UPRT: variants seen among roughly 807,000 people sequenced by gnomAD.
UPRT encodes the protein RP11-311P8.3.
UPRT carries 5 observed loss-of-function variants against 22.6 expected under a neutral mutation model. The observed-to-expected ratio is 0.22, with a 90% CI of 0.12 to 0.47. The LOEUF (loss-of-function observed/expected upper bound fraction) is 0.47. Ranked by LOEUF, UPRT falls within the 20% of genes least tolerant of loss-of-function variation. UPRT has a pLI of 0.99. For synonymous variants in UPRT, 77 were observed against 87.7 expected (o/e 0.88, Z 0.68); for missense variants, 181 against 239.9 (o/e 0.75, Z 1.62).
At chrX:75,270,073 C>T (rs1196202385), upstream of UPRT, among the ~76,000 whole-genome samples, 3 of 111,567 alleles carry the variant, frequency 2.7e-5, no homozygotes, top group Admixed American at 2.9e-4. Context: ...AAACAAACAG[C>T]CCCATCAAAA....
rs141155496 is a variant in UPRT at position 75,252,959 on chromosome X, A to G, written c.-446-38065A>G. Among the ~76,000 whole-genome samples, 928 of 111,226 alleles carry G rather than the reference A, an allele frequency of 8.3e-3. 11 individuals carry two copies. Among genetic ancestry groups the G allele is most frequent in the African/African-American group, 0.028 (852 of 30,602 alleles). On this transcript the variant is annotated intron_variant, in intron 4 of 13. Transcript: ENST00000652605. ...TCACAAGGACAAAAAACGAAACACCACATGTTGTCACTCATAGGTGAGAAT... is the reference window on the plus strand; with the variant it reads ...TCACAAGGACAAAAAACGAAACACCGCATGTTGTCACTCATAGGTGAGAAT...
intron 4 of UPRT, among the ~76,000 whole-genome samples, chrX:75,248,782 T>A (rs1017650073): frequency 4.5e-5 from 5 of 111,146 alleles, no homozygotes; most frequent in Admixed American, 3.8e-4. Flanking sequence ...TTGAAATGAA[T>A]GAAAAAATGT....
chrX:75,167,677 G>A (rs1213408536), intron 3 of UPRT, among the ~76,000 whole-genome samples: 7 of 111,069 alleles, frequency 6.3e-5, no homozygotes, highest in Non-Finnish European at 1.1e-4. Flanking sequence ...TGTTGGCCAC[G>A]TGTATATTTT....
intron 1 of UPRT, among the ~76,000 whole-genome samples, chrX:75,284,946 T>C (rs1049695500): frequency 1.8e-5 from 2 of 110,728 alleles, no homozygotes; most frequent in Non-Finnish European, 3.8e-5. Context: ...GTGTCTGAGC[T>C]CAGGCTGTCC....
At chrX:75,233,916 A>C (rs2082449487) in intron 4 of UPRT, among the ~76,000 whole-genome samples, 1 of 110,904 alleles carries the variant, frequency 9.0e-6, no homozygotes, top group Non-Finnish European at 1.9e-5. Flanking sequence ...TAAAGACAGG[A>C]TCAAATTCAC....
At chrX:75,217,621 T>C (rs1322527743) in intron 4 of UPRT, among the ~76,000 whole-genome samples, 1 of 112,011 alleles carries the variant, frequency 8.9e-6, no homozygotes, top group Non-Finnish European at 1.9e-5. Context: ...GTTGTTGGTG[T>C]ATAAGAATGC....
chrX:75,181,454 G>C (rs1479056814), intron 4 of UPRT, among the ~76,000 whole-genome samples: 1 of 111,389 alleles, frequency 9.0e-6, no homozygotes, highest in Non-Finnish European at 1.9e-5. Flanking sequence ...TGGCCATTTT[G>C]TCAGTATTGA....
In UPRT at chrX:75,274,124, A is replaced by G; in HGVS notation, c.-131A>G. On this transcript the variant is annotated 5_prime_UTR_variant, in exon 1 of 7. Coordinates refer to ENST00000373383, the MANE Select transcript of UPRT (RefSeq NM_145052.4). ...GAAACCAACAGCGGCCTAGGGGTGA[A>G]AGGACAGCCAGGGTTAGATGTTCTG... 2.0e-6 allele frequency: 2 copies of G among 1,009,080 alleles called. No homozygotes were observed. The highest frequency in any genetic ancestry group is 2.6e-6 in the Non-Finnish European group (2 of 760,666). The allele number at this position is 1,009,080 out of a possible 1,213,427, so 83.2% of individuals were successfully genotyped here. A position where few individuals can be genotyped will look rare whatever the true frequency, so the allele number is the denominator to read the frequency against.
chrX:75,261,576 T>A (rs1206886472), intron 4 of UPRT, among the ~76,000 whole-genome samples: 1 of 111,935 alleles, frequency 8.9e-6, no homozygotes, highest in East Asian at 2.8e-4. Flanking sequence ...GATTCACAGC[T>A]GAATTTGACT....
chrX:75,160,020 G>A (rs5981326), intron 1 of UPRT, among the ~76,000 whole-genome samples: 3,191 of 109,963 alleles, frequency 0.029, 115 homozygotes, highest in African/African-American at 0.1. Context: ...CACCTGCCTC[G>A]GCCTCCCAAA....
chrX:75,177,290 G>A (rs755829075), intron 4 of UPRT, among the ~76,000 whole-genome samples: 3 of 109,174 alleles, frequency 2.7e-5, no homozygotes, highest in African/African-American at 6.9e-5. Context: ...CCTGCTGATC[G>A]GAATAGTTGC....
chrX:75,294,764 T>C, intron 2 of UPRT: 2 of 307,586 alleles, frequency 6.5e-6, no homozygotes, highest in South Asian at 1.5e-4. Context: ...TATGCTTTTA[T>C]CAAACCAAAA....
chrX:75,158,623 C>A (rs974774060), intron 1 of UPRT, among the ~76,000 whole-genome samples: 13 of 111,432 alleles, frequency 1.2e-4, no homozygotes, highest in African/African-American at 3.3e-4. Flanking sequence ...CTTAATAACA[C>A]CTGAAATGTG....
intron 4 of UPRT, among the ~76,000 whole-genome samples, chrX:75,255,141 T>G (rs1569275558): frequency 9.0e-6 from 1 of 111,455 alleles, no homozygotes; most frequent in Non-Finnish European, 1.9e-5. Flanking sequence ...CCTATCAGAC[T>G]AACAGCAGAT....
chrX:75,223,970 C>T (rs188331935), intron 4 of UPRT, among the ~76,000 whole-genome samples: 10 of 111,450 alleles, frequency 9.0e-5, no homozygotes, highest in African/African-American at 3.3e-4. Context: ...TGCATAATCT[C>T]TATCAATAGT....
At chrX:75,276,559 G>A (rs2082632510) in intron 1 of UPRT, among the ~76,000 whole-genome samples, 1 of 111,203 alleles carries the variant, frequency 9.0e-6, no homozygotes, top group Non-Finnish European at 1.9e-5. Flanking sequence ...ATACAACAAA[G>A]AAAAATAGAT....
intron 4 of UPRT, among the ~76,000 whole-genome samples, chrX:75,231,271 G>A (rs1455284773): frequency 2.7e-5 from 3 of 111,782 alleles, no homozygotes; most frequent in South Asian, 7.5e-4. Context: ...CACAGCTTCT[G>A]GAAGTGAAAG....
chrX:75,249,138 G>T (rs1265939117), intron 4 of UPRT, among the ~76,000 whole-genome samples: 2 of 111,383 alleles, frequency 1.8e-5, no homozygotes, highest in African/African-American at 6.5e-5. Context: ...AGTCTAGGAA[G>T]AGCTGCATCA....
In UPRT at chrX:75,182,109, TTTTG is replaced by T. The variant is rs201474933; in HGVS notation, c.-447+14246_-447+14249del. On this transcript the variant is annotated intron_variant, in intron 4 of 13. Transcript: ENST00000652605. ...TTCTGCATCTATTGAGATGATCATG[TTTTG>T]TTTGTTTGTTTGTTTTTAGTTCTGT... is the stretch of plus-strand genomic sequence containing the variant. 2.1e-3 allele frequency among the ~76,000 whole-genome samples: 239 copies of T among 112,041 alleles called. 1 individual carries two copies. The East Asian group carries it at 0.049, about 23-fold the overall frequency.
Sources: gnomAD v4.1 joint callset for allele counts (sites outside exome capture counted in the v4.1 genomes callset) on GRCh38, gnomAD v4.1.1 for gene constraint, MANE v1.5 for transcripts, NCBI Gene and HGNC (gene_info 2026-07-23, HGNC 2026-07-21) for gene names.